ST3GAL5: variants seen among roughly 807,000 people sequenced by gnomAD.
ST3GAL5 encodes the protein ST3 beta-galactoside alpha-2,3-sialyltransferase 5.
A neutral mutation model predicts 46.1 loss-of-function variants in ST3GAL5; 25 were observed. That is an observed-to-expected ratio of 0.54 (90% CI 0.40 to 0.76). The LOEUF (loss-of-function observed/expected upper bound fraction) is 0.76. Among genes scored for constraint, ST3GAL5 ranks in the 30% least tolerant of loss-of-function variants. The pLI is 0.00. For missense variants in ST3GAL5, 431 were observed against 521.2 expected, an observed-to-expected ratio of 0.83 and a Z score of 1.69; for synonymous variants, 182 against 192.7, an observed-to-expected ratio of 0.94 and a Z score of 0.46.
chr2:85,878,029 T>C (rs4832213), intron 1 of ST3GAL5, among the ~76,000 whole-genome samples: 62,496 of 152,036 alleles, frequency 0.41, 13,195 homozygotes, highest in Admixed American at 0.53. Flanking sequence ...GACACCCAGG[T>C]CCAGAGAGCT....
chr2:85,848,099 G>A lies in ST3GAL5; in HGVS notation c.424C>T (p.Leu142Phe), dbSNP rs762954685. 1.2e-6 allele frequency: 2 copies of A among 1,614,200 alleles called. No homozygotes were observed. The highest frequency in any genetic ancestry group is 1.1e-5 in the South Asian group (1 of 91,076). Residue 142 changes from leucine (L) to phenylalanine (F), a missense_variant, in exon 4 of 7, where the codon CTC becomes TTC. Coordinates refer to ENST00000638572, the MANE Select transcript of ST3GAL5 (RefSeq NM_003896.4). ...TTGGGGGCCTTCTGCACAAAAGGGA[G>A]TAAGTCCACGCTATACCTGTGCTCA... ...LFEHRYSVDL[L>F]PFVQKAPKDS...
intron 6 of ST3GAL5, among the ~76,000 whole-genome samples, chr2:85,844,002 T>C (rs1682460688): frequency 6.6e-6 from 1 of 152,090 alleles, no homozygotes; most frequent in South Asian, 2.1e-4. Flanking sequence ...AGAGTGAAAA[T>C]GTAAATATGA....
At chr2:85,850,306 G>T (rs1683338777) in intron 3 of ST3GAL5, 1 of 152,244 alleles carries the variant, frequency 6.6e-6, no homozygotes, top group Non-Finnish European at 1.5e-5. Context: ...TCTTCACTTT[G>T]TAAGAGGTCT....
At chr2:85,873,689 G>A (rs554171504) in intron 1 of ST3GAL5, among the ~76,000 whole-genome samples, 3 of 152,292 alleles carry the variant, frequency 2.0e-5, no homozygotes, top group South Asian at 2.1e-4. Flanking sequence ...AGTCCCAAAC[G>A]CCTGTGGGCT....
At chr2:85,876,784 G>C in intron 1 of ST3GAL5, among the ~76,000 whole-genome samples, 1 of 152,084 alleles carries the variant, frequency 6.6e-6, no homozygotes, top group South Asian at 2.1e-4. Flanking sequence ...GATGGTACCA[G>C]AGGAGACAAA....
intron 1 of ST3GAL5, among the ~76,000 whole-genome samples, chr2:85,880,376 T>C (rs1687015223): frequency 6.6e-6 from 1 of 152,242 alleles, no homozygotes; most frequent in South Asian, 2.1e-4. Flanking sequence ...TCACATCTCT[T>C]TTACTGTTGG....
At chr2:85,887,148 C>G (rs962166402) in intron 1 of ST3GAL5, among the ~76,000 whole-genome samples, 12 of 152,172 alleles carry the variant, frequency 7.9e-5, no homozygotes, top group Non-Finnish European at 1.5e-4. Context: ...TAGATAAATT[C>G]CCCTCATTGC....
chr2:85,845,943 C>G (rs1366145831), intron 5 of ST3GAL5: 1 of 195,010 alleles, frequency 5.1e-6, no homozygotes, highest in Non-Finnish European at 1.1e-5. Flanking sequence ...TGTTTGTAAT[C>G]CCAGCACTTT....
At position 85,842,485 on chromosome 2, in the gene ST3GAL5, A is replaced by G. The variant is rs890743122; in HGVS notation, c.1008+1911T>C. ...CTCCTACTGCTCAACAGGCTTCTTC[A>G]TCTGCTGGAAGGACATATACATGAG... On this transcript the variant is annotated intron_variant, in intron 6 of 6. Coordinates refer to ENST00000638572, the MANE Select transcript of ST3GAL5 (RefSeq NM_003896.4). 2.0e-5 allele frequency among the ~76,000 whole-genome samples: 3 copies of G among 152,332 alleles called. No homozygotes were observed. The East Asian group carries it at 5.8e-4, about 29-fold the overall frequency.
At position 85,863,432 on chromosome 2, in the gene ST3GAL5, A is replaced by C; in HGVS notation, c.136T>G (p.Ser46Ala). ...VKLRSDCSRP[S>A]LQWYTRAQSK... ...TGAGCTCGGGTGTACCATTGCAGGG[A>C]AGGCCTCGAGCAATCACTTCTCAGT... Residue 46 changes from serine to alanine, a missense_variant, in exon 2 of 7, where the codon TCC becomes GCC. Ser to Ala is a moderately conservative substitution (Grantham distance 99). Coordinates refer to ENST00000638572, the MANE Select transcript of ST3GAL5 (RefSeq NM_003896.4). The C allele has an allele frequency of 1.2e-6, 2 of 1,614,180 alleles. No homozygotes were observed. Among genetic ancestry groups the C allele is most frequent in the Non-Finnish European group, 1.7e-6 (2 of 1,180,036 alleles).
chr2:85,856,950 T>C (rs1320907175), intron 3 of ST3GAL5, among the ~76,000 whole-genome samples: 1 of 150,284 alleles, frequency 6.7e-6, no homozygotes, highest in Non-Finnish European at 1.5e-5. Context: ...CAGGGCATGG[T>C]GGCTCATGTC....
intron 1 of ST3GAL5, among the ~76,000 whole-genome samples, chr2:85,869,109 G>A (rs1685619588): frequency 6.6e-6 from 1 of 152,116 alleles, no homozygotes; most frequent in African/African-American, 2.4e-5. Flanking sequence ...CAGTGCAGTG[G>A]TGTGATCATA....
intron 1 of ST3GAL5, among the ~76,000 whole-genome samples, chr2:85,874,913 T>A (rs1686354494): frequency 6.6e-6 from 1 of 151,998 alleles, no homozygotes; most frequent in Non-Finnish European, 1.5e-5. Context: ...ATTTATTCAA[T>A]GTCCAGATGG....
chr2:85,858,468 G>T (rs570791783), intron 3 of ST3GAL5, among the ~76,000 whole-genome samples: 1 of 152,066 alleles, frequency 6.6e-6, no homozygotes, highest in Non-Finnish European at 1.5e-5. Context: ...CTGCCACCAC[G>T]CCCAGCTAAT....
chr2:85,867,792 A>C, intron 1 of ST3GAL5: 1 of 675,368 alleles, frequency 1.5e-6, no homozygotes, highest in Admixed American at 2.1e-5. Flanking sequence ...TATAACGGCA[A>C]GACTGTTTTG....
At chr2:85,851,176 A>T in intron 3 of ST3GAL5, 2 of 928,372 alleles carry the variant, frequency 2.2e-6, no homozygotes, top group Non-Finnish European at 2.6e-6. Context: ...CCACCTTCCA[A>T]AGTTCTGGGA....
intron 3 of ST3GAL5, chr2:85,853,097 G>A: frequency 6.9e-6 from 9 of 1,303,492 alleles, no homozygotes; most frequent in Non-Finnish European, 9.1e-6. Flanking sequence ...AAGGTCTTTA[G>A]CTCTCAGAAA....
At chr2:85,848,332 A>C in intron 3 of ST3GAL5, 128 bp from the exon 4 acceptor site, 1 of 1,596,026 alleles carries the variant, frequency 6.3e-7, no homozygotes, top group Admixed American at 1.8e-5. Context: ...TTTAACACAG[A>C]ATATTTGCTT....
intron 2 of ST3GAL5, 22 bp from the exon 3 acceptor site, chr2:85,861,314 A>T (rs1684701645): frequency 1.4e-6 from 2 of 1,434,352 alleles, no homozygotes; most frequent in Non-Finnish European, 2.0e-6. Flanking sequence ...TCAATTAGGT[A>T]TTATGATGTA....
Sources: allele counts gnomAD v4.1 joint callset (sites outside exome capture counted in the v4.1 genomes callset), GRCh38; gene constraint gnomAD v4.1.1; transcripts MANE v1.5; gene names NCBI Gene and HGNC (gene_info 2026-07-23, HGNC 2026-07-21).